Variants in PIGN observed in about 807,000 individuals in gnomAD.
The protein encoded by PIGN is GPI ethanolamine phosphate transferase 1.
PIGN carries 117 observed loss-of-function variants against 125.4 expected under a neutral mutation model. The ratio of observed to expected loss-of-function variants is 0.93; its 90% confidence interval spans 0.80 to 1.09. The LOEUF (loss-of-function observed/expected upper bound fraction) is 1.09. PIGN is among the 50% of genes least tolerant of loss of function. PIGN has a pLI of 0.00. For synonymous variants in PIGN, 392 were observed against 377.8 expected (o/e 1.04, Z -0.44); for missense variants, 1,075 against 1,094.9 (o/e 0.98, Z 0.26).
intron 1 of PIGN, among the ~76,000 whole-genome samples, chr18:62,178,697 G>A (rs12608383): frequency 0.41 from 61,909 of 151,168 alleles, 13,264 homozygotes; most frequent in East Asian, 0.78. Flanking sequence ...CATATAATTA[G>A]CACTAGTTCA....
intron 8 of PIGN, among the ~76,000 whole-genome samples, chr18:62,147,399 C>CT (rs1415858590): frequency 6.6e-6 from 1 of 152,204 alleles, no homozygotes; most frequent in Non-Finnish European, 1.5e-5. Context: ...GTCTCTCACT[C>CT]TTACTACATA....
chr18:62,028,201 C>T (rs916919657), intron 23 of PIGN, among the ~76,000 whole-genome samples: 34 of 152,192 alleles, frequency 2.2e-4, no homozygotes, highest in African/African-American at 6.0e-4. Context: ...AGGTGCTTCA[C>T]GCCTTTATAT....
At chr18:62,136,872 T>G (rs1340967077) in intron 14 of PIGN, 4 of 389,118 alleles carry the variant, frequency 1.0e-5, no homozygotes, top group Non-Finnish European at 1.8e-5. Context: ...CCTTTCCTGA[T>G]GCAAGGAAAA....
intron 29 of PIGN, 129 bp downstream of exon 29, chr18:62,074,650 T>C: frequency 1.8e-6 from 1 of 563,266 alleles, no homozygotes; most frequent in Non-Finnish European, 3.2e-6. Flanking sequence ...ATTTATTGTG[T>C]AAATTATGCC....
rs79665260 is a variant in PIGN at position 62,073,979 on chromosome 18, T to A, written c.2619+800A>T. On this transcript the variant is annotated intron_variant, in intron 29 of 30. Transcript: ENST00000640252. Reference sequence around the variant, plus strand: ...TTACCAGCTGTATCCCCAGAAGGGATTAAAGGTCAGCCAGGTAGGCAGTAT... The same window carrying A: ...TTACCAGCTGTATCCCCAGAAGGGAATAAAGGTCAGCCAGGTAGGCAGTAT... 1.0e-3 allele frequency among the ~76,000 whole-genome samples: 158 copies of A among 152,270 alleles called. 2 individuals are homozygous for A. In the East Asian group the frequency reaches 0.028, roughly 27 times the overall value.
rs780777263 is a variant in PIGN, at chr18:62,050,175, C to T, written c.2673-4196G>A. Among the ~76,000 whole-genome samples, 1,019 of 152,182 alleles carry T rather than the reference C, an allele frequency of 6.7e-3. 5 individuals are homozygous for T. The highest frequency in any genetic ancestry group is 0.011 in the Non-Finnish European group (719 of 67,994). ...TTCTTTTGGCTTAGGATTGACTTGG[C>T]GATGCGGGCTCCTTTTTGGTTCCAT... On this transcript the variant is annotated intron_variant, in intron 30 of 30. Coordinates refer to ENST00000640252, the MANE Select transcript of PIGN (RefSeq NM_176787.5).
chr18:62,066,613 C>G (rs1476109247), intron 30 of PIGN, among the ~76,000 whole-genome samples: 1 of 152,124 alleles, frequency 6.6e-6, no homozygotes, highest in South Asian at 2.1e-4. Context: ...GGTCTCTGAA[C>G]AGCCTTTATC....
chr18:62,019,226 G>A (rs757687108), intron 23 of PIGN, among the ~76,000 whole-genome samples: 6 of 152,098 alleles, frequency 3.9e-5, no homozygotes, highest in Non-Finnish European at 7.4e-5. Flanking sequence ...AGTCTCCCAC[G>A]TCCCTTCATT....
chr18:62,148,694 CA>C (rs1390499896), intron 7 of PIGN, among the ~76,000 whole-genome samples: 4 of 152,146 alleles, frequency 2.6e-5, no homozygotes, highest in Non-Finnish European at 5.9e-5. Context: ...ATACTGTTAC[CA>C]GTTTAAGAAT....
chr18:62,122,566 T>A (rs571497175), intron 14 of PIGN, among the ~76,000 whole-genome samples: 13 of 152,220 alleles, frequency 8.5e-5, no homozygotes, highest in Non-Finnish European at 1.8e-4. Flanking sequence ...AATACAGGGT[T>A]GAAAATTAAC....
At chr18:62,078,280 G>A (rs1311743795) in intron 28 of PIGN, among the ~76,000 whole-genome samples, 1 of 152,140 alleles carries the variant, frequency 6.6e-6, no homozygotes, top group Non-Finnish European at 1.5e-5. Flanking sequence ...CAGAGAATAC[G>A]ATCCCTGAAC....
chr18:62,090,355 A>T, intron 24 of PIGN, 121 bp downstream of exon 24: 1 of 595,826 alleles, frequency 1.7e-6, no homozygotes, highest in Non-Finnish European at 2.9e-6. Flanking sequence ...AATGCCAAAC[A>T]ACTAAAACTT....
Position 62,074,077 on chromosome 18 carries a change from T to C in PIGN, c.2619+702A>G, listed in dbSNP as rs188601067. On this transcript the variant is annotated intron_variant, in intron 29 of 30. Coordinates refer to ENST00000640252, the MANE Select transcript of PIGN (RefSeq NM_176787.5). ...CTGGTTGGCAATACTCCATGTGTAC[T>C]GTCACACATCAATAGTGGGAGGGTA... Among the ~76,000 whole-genome samples the C allele has an allele frequency of 5.2e-5, 8 of 152,394 alleles. No individual in the cohort carries two copies. In the East Asian group the frequency reaches 1.5e-3, roughly 29 times the overall value.
At chr18:62,163,458 G>A (rs188500678) in intron 2 of PIGN, 73 bp downstream of exon 2, 2 of 152,218 alleles carry the variant, frequency 1.3e-5, no homozygotes, top group African/African-American at 4.8e-5. Context: ...AGAGCATTTT[G>A]TTGGGTCAAC....
chr18:62,064,628 C>T (rs1166128553), intron 30 of PIGN, among the ~76,000 whole-genome samples: 1 of 152,200 alleles, frequency 6.6e-6, no homozygotes, highest in African/African-American at 2.4e-5. Flanking sequence ...TTCTTCACAT[C>T]ATTTCATGAG....
intron 23 of PIGN, among the ~76,000 whole-genome samples, chr18:62,027,273 G>A (rs560938658): frequency 2.0e-5 from 3 of 152,166 alleles, no homozygotes; most frequent in Non-Finnish European, 4.4e-5. Context: ...ACCAACCTGG[G>A]CAACATAGTT....
chr18:62,094,103 T>C (rs1244671699), intron 23 of PIGN, among the ~76,000 whole-genome samples: 1 of 152,120 alleles, frequency 6.6e-6, no homozygotes. Flanking sequence ...TGTTTGGGCA[T>C]CTCCTATGAC....
chr18:62,053,668 A>G (rs972517331), intron 30 of PIGN, among the ~76,000 whole-genome samples: 4 of 152,234 alleles, frequency 2.6e-5, no homozygotes, highest in Non-Finnish European at 2.9e-5. Context: ...ACTTCAGAGC[A>G]AAGATACCCT....
chr18:62,074,344 G>A (rs546600279), intron 29 of PIGN, among the ~76,000 whole-genome samples: 3 of 152,238 alleles, frequency 2.0e-5, no homozygotes, highest in Admixed American at 1.3e-4. Context: ...ATTTATTGCA[G>A]CTACGTCTTG....
Sources: allele counts gnomAD v4.1 joint callset (sites outside exome capture counted in the v4.1 genomes callset), GRCh38; gene constraint gnomAD v4.1.1; transcripts MANE v1.5; gene names NCBI Gene and HGNC (gene_info 2026-07-23, HGNC 2026-07-21).